CTNNA2: variants seen among roughly 807,000 people sequenced by gnomAD.
CTNNA2 encodes catenin alpha 2.
Under a neutral mutation model 101.0 loss-of-function variants are expected in CTNNA2, and 42 were observed. The observed-to-expected ratio is 0.42, with a 90% CI of 0.32 to 0.54. CTNNA2 has a LOEUF of 0.54. CTNNA2 is among the 20% of genes least tolerant of loss of function. The pLI is 0.14. For missense variants in CTNNA2, 871 were observed against 1,223.1 expected (o/e 0.71, Z 4.29); for synonymous variants, 450 against 456.4 (o/e 0.99, Z 0.18).
intron 3 of CTNNA2, among the ~76,000 whole-genome samples, chr2:79,857,497 A>G (rs555024289): frequency 3.7e-4 from 56 of 152,334 alleles, no homozygotes; most frequent in African/African-American, 1.3e-3. Flanking sequence ...CAAATTGGTT[A>G]CTAAGAGGAT....
chr2:80,617,562 A>G (rs970107574), intron 17 of CTNNA2, among the ~76,000 whole-genome samples: 2 of 151,778 alleles, frequency 1.3e-5, no homozygotes, highest in African/African-American at 4.8e-5. Context: ...TTTTATATGC[A>G]AGACTTTTTT....
At chr2:80,284,849 A>G (rs1423070070) in intron 7 of CTNNA2, among the ~76,000 whole-genome samples, 2 of 152,076 alleles carry the variant, frequency 1.3e-5, no homozygotes, top group Non-Finnish European at 2.9e-5. Flanking sequence ...TCACTTTCCA[A>G]TGGTTGAATA....
chr2:79,569,324 G>A (rs1177596486), intron 1 of CTNNA2, among the ~76,000 whole-genome samples: 1 of 151,994 alleles, frequency 6.6e-6, no homozygotes. Context: ...GGGTCGGCTG[G>A]GGGGTCTTGA....
At chr2:80,387,150 G>A (rs11126764) in intron 7 of CTNNA2, among the ~76,000 whole-genome samples, 86,418 of 151,812 alleles carry the variant, frequency 0.57, 27,988 homozygotes, top group African/African-American at 0.88. Flanking sequence ...TTAGCCGGGC[G>A]TGGTGGCGGG....
chr2:80,300,949 GAA>G (rs34426087), intron 7 of CTNNA2, among the ~76,000 whole-genome samples: 1 of 130,120 alleles, frequency 7.7e-6, no homozygotes. Flanking sequence ...TCTCAACACA[GAA>G]AAAAAAAAAA....
intron 7 of CTNNA2, among the ~76,000 whole-genome samples, chr2:80,109,599 G>A (rs1018826077): frequency 2.0e-5 from 3 of 152,158 alleles, no homozygotes; most frequent in Admixed American, 2.0e-4. Flanking sequence ...TTGGTATTCT[G>A]AATTCTAGGA....
rs1707115406 is a variant in CTNNA2, at chr2:80,200,232, T to C, written c.1057-192979T>C. Among the ~76,000 whole-genome samples, 3 of 152,218 alleles carry C rather than the reference T, an allele frequency of 2.0e-5. No homozygotes were observed. In the South Asian group the frequency reaches 6.2e-4, roughly 32 times the overall value. ...AATGTATCATATGTTTTATATATAA[T>C]ATTCCACAGGCAGACTCTGTTATTC... is the stretch of plus-strand genomic sequence containing the variant. On this transcript the variant is annotated intron_variant, in intron 7 of 18. Coordinates refer to ENST00000402739, the MANE Select transcript of CTNNA2 (RefSeq NM_001282597.3).
At chr2:79,452,393 C>G (rs1377451711) in intron 4 of CTNNA2, among the ~76,000 whole-genome samples, 1 of 151,774 alleles carries the variant, frequency 6.6e-6, no homozygotes, top group African/African-American at 2.4e-5. Flanking sequence ...AAAGAAATGC[C>G]ACAGATGAAA....
intron 4 of CTNNA2, among the ~76,000 whole-genome samples, chr2:79,866,180 G>A (rs1330317469): frequency 6.6e-6 from 1 of 152,312 alleles, no homozygotes; most frequent in Middle Eastern, 3.4e-3. Context: ...ACAGGCCTGC[G>A]AAAAGGCCAA....
intron 7 of CTNNA2, chr2:80,305,109 C>T (rs930785220): frequency 1.0e-6 from 1 of 985,230 alleles, no homozygotes; most frequent in Non-Finnish European, 1.2e-6. Flanking sequence ...ACGTTTGGAC[C>T]TTTGCTTTAG....
intron 7 of CTNNA2, among the ~76,000 whole-genome samples, chr2:79,980,104 G>C (rs183263707): frequency 6.6e-6 from 1 of 152,084 alleles, no homozygotes; most frequent in African/African-American, 2.4e-5. Flanking sequence ...TCTTAGATTT[G>C]CATTTCTTTT....
At chr2:79,432,370 C>T (rs1205966978) in intron 4 of CTNNA2, among the ~76,000 whole-genome samples, 1 of 152,188 alleles carries the variant, frequency 6.6e-6, no homozygotes, top group East Asian at 1.9e-4. Context: ...GTTGACCTAA[C>T]TCCAAAATCT....
intron 2 of CTNNA2, among the ~76,000 whole-genome samples, chr2:79,697,427 A>G (rs1289139807): frequency 6.6e-6 from 1 of 152,076 alleles, no homozygotes; most frequent in Non-Finnish European, 1.5e-5. Context: ...ACAAGCCATC[A>G]AGTTTAGCTC....
At chr2:79,464,175 C>G (rs1206265204) in intron 4 of CTNNA2, among the ~76,000 whole-genome samples, 1 of 152,082 alleles carries the variant, frequency 6.6e-6, no homozygotes, top group Non-Finnish European at 1.5e-5. Context: ...ATGTTCCCCA[C>G]CCTGTGTCCA....
chr2:80,448,307 G>A (rs1046895964), intron 9 of CTNNA2, among the ~76,000 whole-genome samples: 2 of 152,202 alleles, frequency 1.3e-5, no homozygotes, highest in African/African-American at 4.8e-5. Flanking sequence ...TTAGCAATAA[G>A]GGTGAATTTA....
chr2:79,314,362 G>A (rs1443387303), intron 3 of CTNNA2, among the ~76,000 whole-genome samples: 1 of 152,200 alleles, frequency 6.6e-6, no homozygotes, highest in Non-Finnish European at 1.5e-5. Context: ...TTCTCGTTAT[G>A]TTGGGTCCAG....
chr2:79,622,392 T>A (rs1679051326), intron 1 of CTNNA2, among the ~76,000 whole-genome samples: 1 of 152,204 alleles, frequency 6.6e-6, no homozygotes, highest in Admixed American at 6.5e-5. Flanking sequence ...ATAAGGAACT[T>A]AACTTCTTGG....
chr2:79,359,487 A>G (rs1425496082), intron 3 of CTNNA2, among the ~76,000 whole-genome samples: 3 of 152,186 alleles, frequency 2.0e-5, no homozygotes, highest in Non-Finnish European at 2.9e-5. Context: ...TTATAATGCC[A>G]TAAATGTGTC....
chr2:79,941,082 G>C (rs1688127872), intron 7 of CTNNA2, among the ~76,000 whole-genome samples: 1 of 152,142 alleles, frequency 6.6e-6, no homozygotes, highest in Non-Finnish European at 1.5e-5. Context: ...CAGCTTTGTG[G>C]CTGCCAGGTC....
Sources: allele counts gnomAD v4.1 joint callset (sites outside exome capture counted in the v4.1 genomes callset), GRCh38; gene constraint gnomAD v4.1.1; transcripts MANE v1.5; gene names NCBI Gene and HGNC (gene_info 2026-07-23, HGNC 2026-07-21).